RERE: variants seen among roughly 807,000 people sequenced by gnomAD.
RERE encodes arginine-glutamic acid dipeptide repeats.
Under a neutral mutation model 146.1 loss-of-function variants are expected in RERE, and 40 were observed. The observed-to-expected ratio is 0.27, with a 90% CI of 0.21 to 0.36. RERE has a LOEUF of 0.36. Among genes scored for constraint, RERE ranks in the 10% least tolerant of loss-of-function variants. The pLI, the probability that RERE is intolerant of heterozygous loss-of-function variation, is 1.00. For synonymous variants in RERE, 1,003 were observed against 866.0 expected, an observed-to-expected ratio of 1.16 and a Z score of -2.78; for missense variants, 1,933 against 2,138.7, an observed-to-expected ratio of 0.90 and a Z score of 1.90.
chr1:8,598,384 G>A (rs151046746), intron 4 of RERE, among the ~76,000 whole-genome samples: 123 of 152,322 alleles, frequency 8.1e-4, no homozygotes, highest in African/African-American at 2.8e-3. Context: ...CAGGTGGGAC[G>A]TGAAGGGCAT....
intron 1 of RERE, among the ~76,000 whole-genome samples, chr1:8,671,052 A>C (rs951092060): frequency 3.9e-5 from 6 of 152,232 alleles, no homozygotes; most frequent in African/African-American, 1.4e-4. Context: ...TGCAAAGAGA[A>C]CAAAAACTGG....
intron 11 of RERE, among the ~76,000 whole-genome samples, chr1:8,462,942 G>GA (rs1460753614): frequency 6.6e-6 from 1 of 152,002 alleles, no homozygotes; most frequent in Non-Finnish European, 1.5e-5. Flanking sequence ...AAACTGGGAG[G>GA]AAAAAAGGGG....
intron 4 of RERE, among the ~76,000 whole-genome samples, chr1:8,614,060 C>T (rs929871188): frequency 5.9e-5 from 9 of 152,202 alleles, no homozygotes; most frequent in African/African-American, 1.9e-4. Flanking sequence ...AGCTACAGCC[C>T]GACCCAAGCC....
intron 12 of RERE, among the ~76,000 whole-genome samples, chr1:8,383,295 TTC>T (rs1164581438): frequency 6.6e-6 from 1 of 151,358 alleles, no homozygotes; most frequent in African/African-American, 2.4e-5. Flanking sequence ...CAGGTCCAGC[TTC>T]TCTCTTACAC....
chr1:8,621,468 G>A (rs1229005957), intron 3 of RERE, among the ~76,000 whole-genome samples: 2 of 151,988 alleles, frequency 1.3e-5, no homozygotes, highest in Non-Finnish European at 2.9e-5. Context: ...CATCGTAATC[G>A]TACCTACTAA....
intron 11 of RERE, among the ~76,000 whole-genome samples, chr1:8,458,792 A>C (rs758447627): frequency 2.6e-5 from 4 of 152,262 alleles, no homozygotes; most frequent in Non-Finnish European, 5.9e-5. Flanking sequence ...CCTAGAAAGT[A>C]GTGAGCCGTG....
chr1:8,580,834 G>A (rs991048848), intron 4 of RERE, among the ~76,000 whole-genome samples: 1 of 151,820 alleles, frequency 6.6e-6, no homozygotes, highest in African/African-American at 2.4e-5. Context: ...CACTTGAGTT[G>A]TGTGCCACCA....
chr1:8,577,168 A>G (rs1646306264), intron 4 of RERE, among the ~76,000 whole-genome samples: 1 of 152,126 alleles, frequency 6.6e-6, no homozygotes, highest in African/African-American at 2.4e-5. Flanking sequence ...GACTCAAAAA[A>G]AAAAAAAGAT....
intron 11 of RERE, among the ~76,000 whole-genome samples, chr1:8,454,751 G>A (rs1476662168): frequency 1.3e-5 from 2 of 152,014 alleles, no homozygotes; most frequent in Non-Finnish European, 2.9e-5. Flanking sequence ...GTTGCAGTGA[G>A]CCAAGATCGC....
intron 1 of RERE, among the ~76,000 whole-genome samples, chr1:8,768,804 A>C (rs1378231960): frequency 6.6e-6 from 1 of 152,054 alleles, no homozygotes; most frequent in Non-Finnish European, 1.5e-5. Flanking sequence ...CAAGAGCTCT[A>C]AAGTCTCAAA....
chr1:8,434,038 C>T (rs1407562938), intron 11 of RERE, among the ~76,000 whole-genome samples: 2 of 152,138 alleles, frequency 1.3e-5, no homozygotes, highest in Non-Finnish European at 2.9e-5. Flanking sequence ...TAATATAATC[C>T]TGCCTGGCTG....
intron 1 of RERE, among the ~76,000 whole-genome samples, chr1:8,741,624 A>G (rs574055717): frequency 6.6e-5 from 10 of 152,310 alleles, no homozygotes; most frequent in African/African-American, 2.4e-4. Context: ...CCTGTGAAGA[A>G]GATGCCTTGC....
chr1:8,797,331 TCACAC>T (rs1225924984), intron 1 of RERE, among the ~76,000 whole-genome samples: 1 of 150,610 alleles, frequency 6.6e-6, no homozygotes, highest in East Asian at 1.9e-4. Flanking sequence ...TGAGCTAAGA[TCACAC>T]CACTGCACAC....
At position 8,360,064 on chromosome 1, in the gene RERE, C is replaced by G. The variant is rs764588062; in HGVS notation, c.3395+48G>C. 4 of 1,586,350 alleles carry G rather than the reference C, an allele frequency of 2.5e-6. No individual in the cohort carries two copies. The African/African-American group carries it at 5.4e-5, about 21-fold the overall frequency. On this transcript the variant is annotated intron_variant, in intron 18 of 22. Coordinates refer to ENST00000400908, the MANE Select transcript of RERE (RefSeq NM_001042681.2). The stretch of plus-strand genomic sequence containing the variant: ...CCTCCCTCCCACCAGAACTTGCCCC[C>G]ACCAGCCCACCTGTGCCTGACCCGT...
chr1:8,682,443 T>C (rs775166360), intron 1 of RERE, among the ~76,000 whole-genome samples: 12 of 152,236 alleles, frequency 7.9e-5, no homozygotes, highest in Non-Finnish European at 2.9e-5. Flanking sequence ...ATTGTTTAAA[T>C]GGAACTTTCC....
At chr1:8,566,423 C>T (rs1429946505) in intron 4 of RERE, among the ~76,000 whole-genome samples, 3 of 152,084 alleles carry the variant, frequency 2.0e-5, no homozygotes, top group African/African-American at 7.2e-5. Context: ...AGTTCAAGAC[C>T]AGCCTGGCCA....
chr1:8,649,624 C>T (rs902857046), intron 2 of RERE, among the ~76,000 whole-genome samples: 8 of 150,402 alleles, frequency 5.3e-5, no homozygotes, highest in Non-Finnish European at 1.0e-4. Flanking sequence ...CAGCTACTCT[C>T]GAAGATGAGG....
At chr1:8,784,583 T>C (rs1416380374) in intron 1 of RERE, among the ~76,000 whole-genome samples, 1 of 152,190 alleles carries the variant, frequency 6.6e-6, no homozygotes, top group Non-Finnish European at 1.5e-5. Context: ...TATATGTATA[T>C]GTCTTTTTCT....
intron 1 of RERE, among the ~76,000 whole-genome samples, chr1:8,789,282 C>CAAAAAAA (rs58993452): frequency 3.1e-4 from 12 of 38,498 alleles, no homozygotes; most frequent in African/African-American, 1.5e-3. Context: ...TCCTCTCTAC[C>CAAAAAAA]AAAAAAAAAA....
Sources: gnomAD v4.1 joint callset for allele counts (sites outside exome capture counted in the v4.1 genomes callset) on GRCh38, gnomAD v4.1.1 for gene constraint, MANE v1.5 for transcripts, NCBI Gene and HGNC (gene_info 2026-07-23, HGNC 2026-07-21) for gene names.